Variants in FSTL5 observed in about 807,000 individuals in gnomAD.
FSTL5 encodes follistatin like 5.
Under a neutral mutation model 89.1 loss-of-function variants are expected in FSTL5, and 62 were observed. That is an observed-to-expected ratio of 0.70 (90% CI 0.57 to 0.86). The LOEUF (loss-of-function observed/expected upper bound fraction) is 0.86. Among genes scored for constraint, FSTL5 ranks in the 40% least tolerant of loss-of-function variants. FSTL5 has a pLI of 0.00. For synonymous variants in FSTL5, 383 were observed against 346.2 expected, an observed-to-expected ratio of 1.11 and a Z score of -1.18; for missense variants, 1,057 against 1,001.6, an observed-to-expected ratio of 1.06 and a Z score of -0.75.
intron 5 of FSTL5, among the ~76,000 whole-genome samples, chr4:161,773,750 A>G (rs1741293455): frequency 6.6e-6 from 1 of 152,226 alleles, no homozygotes; most frequent in Non-Finnish European, 1.5e-5. Flanking sequence ...GGAAACGTAA[A>G]CTAGTACAAC....
intron 12 of FSTL5, among the ~76,000 whole-genome samples, chr4:161,496,742 G>T (rs866002194): frequency 9.3e-5 from 14 of 151,206 alleles, no homozygotes; most frequent in African/African-American, 3.2e-4. Context: ...TGTGTGAGCC[G>T]ATTCCTTAAA....
intron 3 of FSTL5, among the ~76,000 whole-genome samples, chr4:161,998,260 T>G (rs577461725): frequency 6.6e-6 from 1 of 152,314 alleles, no homozygotes; most frequent in Admixed American, 6.5e-5. Flanking sequence ...TTGTAAATAC[T>G]GTCTCTTCTT....
chr4:161,823,327 C>A (rs1730552889), intron 4 of FSTL5, among the ~76,000 whole-genome samples: 1 of 152,192 alleles, frequency 6.6e-6, no homozygotes, highest in Non-Finnish European at 1.5e-5. Flanking sequence ...CAAGGGGCGT[C>A]TGCAGGCTGT....
intron 4 of FSTL5, among the ~76,000 whole-genome samples, chr4:161,848,914 A>T (rs1731464408): frequency 6.6e-6 from 1 of 151,834 alleles, no homozygotes; most frequent in Admixed American, 6.6e-5. Context: ...GGGGAAACAT[A>T]GCCATCTACA....
At chr4:161,660,932 C>G (rs1736685203) in intron 6 of FSTL5, among the ~76,000 whole-genome samples, 1 of 152,024 alleles carries the variant, frequency 6.6e-6, no homozygotes, top group African/African-American at 2.4e-5. Flanking sequence ...CTGCAATGAA[C>G]TTTAATTCGT....
chr4:161,607,664 G>A (rs1177513245), intron 7 of FSTL5, among the ~76,000 whole-genome samples: 6 of 152,000 alleles, frequency 3.9e-5, no homozygotes, highest in Admixed American at 2.6e-4. Context: ...AACTAATCAC[G>A]CAGAGAAAGG....
intron 2 of FSTL5, among the ~76,000 whole-genome samples, chr4:162,084,002 T>C (rs1730205443): frequency 6.6e-6 from 1 of 151,940 alleles, no homozygotes; most frequent in Middle Eastern, 3.2e-3. Flanking sequence ...TCTCAATGTG[T>C]ATTTGTGGGA....
intron 4 of FSTL5, among the ~76,000 whole-genome samples, chr4:161,895,122 G>T (rs1733113600): frequency 6.6e-6 from 1 of 152,116 alleles, no homozygotes; most frequent in African/African-American, 2.4e-5. Context: ...TGGATAACTT[G>T]CCCAAAGTCT....
chr4:161,691,908 G>GGT (rs1737956082), intron 6 of FSTL5, among the ~76,000 whole-genome samples: 1 of 151,614 alleles, frequency 6.6e-6, no homozygotes, highest in Admixed American at 6.6e-5. Flanking sequence ...CTCTAGCAGT[G>GGT]GTGTGTGTGA....
intron 4 of FSTL5, among the ~76,000 whole-genome samples, chr4:161,843,853 C>T (rs923024845): frequency 1.3e-5 from 2 of 152,034 alleles, no homozygotes; most frequent in Admixed American, 1.3e-4. Flanking sequence ...TAGAAGAAAA[C>T]CTAGGCAATA....
chr4:161,986,278 G>A (rs759630871), intron 3 of FSTL5, among the ~76,000 whole-genome samples: 7 of 152,128 alleles, frequency 4.6e-5, no homozygotes, highest in Non-Finnish European at 8.8e-5. Flanking sequence ...GGCCAGGCAC[G>A]GTGGCTCACG....
At chr4:162,066,461 A>G (rs1172148103) in intron 2 of FSTL5, among the ~76,000 whole-genome samples, 1 of 146,428 alleles carries the variant, frequency 6.8e-6, no homozygotes, top group Non-Finnish European at 1.5e-5. Flanking sequence ...CATGTGCAGA[A>G]CTAGCATGTT....
chr4:161,463,189 C>T (rs1182178849), intron 13 of FSTL5, among the ~76,000 whole-genome samples: 2 of 152,122 alleles, frequency 1.3e-5, no homozygotes, highest in African/African-American at 4.8e-5. Context: ...AAAATAATTT[C>T]CGACTTTGAA....
intron 3 of FSTL5, among the ~76,000 whole-genome samples, chr4:161,950,808 G>T (rs1734871686): frequency 6.6e-6 from 1 of 152,120 alleles, no homozygotes; most frequent in South Asian, 2.1e-4. Flanking sequence ...GAAGAATTTG[G>T]AAAGAGTTGT....
chr4:161,741,063 C>T (rs1740009623), intron 6 of FSTL5, among the ~76,000 whole-genome samples: 1 of 152,160 alleles, frequency 6.6e-6, no homozygotes. Flanking sequence ...GACCTGTCTC[C>T]TATTGTCATC....
At chr4:161,779,024 A>T (rs1453679973) in intron 4 of FSTL5, among the ~76,000 whole-genome samples, 2 of 152,216 alleles carry the variant, frequency 1.3e-5, no homozygotes, top group East Asian at 3.9e-4. Flanking sequence ...AACTTAGACC[A>T]ATGGCATTGG....
chr4:162,039,575 A>T (rs1737869962), intron 2 of FSTL5, among the ~76,000 whole-genome samples: 1 of 151,958 alleles, frequency 6.6e-6, no homozygotes, highest in Non-Finnish European at 1.5e-5. Context: ...GAGAAACTAT[A>T]AAGTCCAGGA....
chr4:162,122,194 G>T (rs1043926924), intron 1 of FSTL5, among the ~76,000 whole-genome samples: 1 of 151,998 alleles, frequency 6.6e-6, no homozygotes, highest in Non-Finnish European at 1.5e-5. Flanking sequence ...TACCAATTCA[G>T]AAAAAGTACT....
chr4:162,094,323 G>A (rs997004330), intron 2 of FSTL5, among the ~76,000 whole-genome samples: 1 of 152,130 alleles, frequency 6.6e-6, no homozygotes, highest in African/African-American at 2.4e-5. Context: ...GGAGGCAGAG[G>A]TTGCAGTAAG....
Sources: gnomAD v4.1 joint callset for allele counts (sites outside exome capture counted in the v4.1 genomes callset) on GRCh38, gnomAD v4.1.1 for gene constraint, MANE v1.5 for transcripts, NCBI Gene and HGNC (gene_info 2026-07-23, HGNC 2026-07-21) for gene names.